The following TSPOAP1 variants were observed in gnomAD, a reference collection of about 807,000 sequenced individuals.
TSPOAP1 encodes the protein TSPO associated protein 1, also known as peripheral-type benzodiazepine receptor-associated protein 1.
In TSPOAP1, 87 loss-of-function variants were observed where a neutral mutation model predicts 197.0. That is an observed-to-expected ratio of 0.44 (90% CI 0.37 to 0.53). TSPOAP1 has a LOEUF of 0.53. Among genes scored for constraint, TSPOAP1 ranks in the 20% least tolerant of loss-of-function variants. The pLI, the probability that TSPOAP1 is intolerant of heterozygous loss-of-function variation, is 0.00. For synonymous variants in TSPOAP1, 913 were observed against 998.9 expected (o/e 0.91, Z 1.62); for missense variants, 2,174 against 2,411.3 (o/e 0.90, Z 2.06).
At position 58,305,921 on chromosome 17, in the gene TSPOAP1, G is replaced by A. The variant is rs1970875191; in HGVS notation, c.5225-56C>T. 5.0e-6 allele frequency: 8 copies of A among 1,588,020 alleles called. 1 individual carries two copies. The Admixed American group carries it at 8.4e-5, about 17-fold the overall frequency. On this transcript the variant is annotated intron_variant, in intron 26 of 31. Transcript: ENST00000343736. ...CCCACCCTGCCCACCCAGGCTGCAGGTGCTGCAGCGCAGGCCAGACACTCG... is the reference window on the plus strand; with the variant it reads ...CCCACCCTGCCCACCCAGGCTGCAGATGCTGCAGCGCAGGCCAGACACTCG...
At chr17:58,306,435 A>G in intron 25 of TSPOAP1, 22 bp from the exon 26 acceptor site, 7 of 1,548,834 alleles carry the variant, frequency 4.5e-6, no homozygotes, top group Non-Finnish European at 6.1e-6. Flanking sequence ...AAGCAGAGAG[A>G]AAGCGAGGCA....
In TSPOAP1 at chr17:58,324,497, G is replaced by A. The variant is rs1388919274; in HGVS notation, c.942+314C>T. On this transcript the variant is annotated intron_variant, in intron 5 of 31. Transcript: ENST00000343736. The surrounding 1 kb of genome is among the most constrained non-coding windows in gnomAD (Gnocchi z 5.8). ...GGCGCGGGCTGGGCCCCGGGCGGCT[G>A]CCAGGACAACCAGGGATTTGCGGCC... Among the ~76,000 whole-genome samples, 1 of 151,882 alleles carries A rather than the reference G, an allele frequency of 6.6e-6. No individual in the cohort carries two copies. Among genetic ancestry groups the A allele is most frequent in the Admixed American group, 6.6e-5 (1 of 15,262 alleles).
rs771179046 is a variant in TSPOAP1 at position 58,308,956 on chromosome 17, G to A, written c.4316C>T (p.Ala1439Val). Residue 1439 changes from alanine (A) to valine (V), a missense_variant, in exon 22 of 32, where the codon GCC becomes GTC. Ala to Val is a moderately conservative substitution (Grantham distance 64). This residue lies in a region of TSPOAP1 where 1,933 missense variants were observed against 2,139.0 expected (regional missense o/e 0.90). Transcript: ENST00000343736. ...SRLLSNNGPQ[A>V]SGRLGPTRER... ...CCGTGTGGGGCCCAGTCGTCCAGAG[G>A]CCTGGGGCCCATTGTTGCTGAGAAG... is the stretch of plus-strand genomic sequence containing the variant. 4 of 1,608,080 alleles carry A rather than the reference G, an allele frequency of 2.5e-6. No individual in the cohort carries two copies. The highest frequency in any genetic ancestry group is 1.3e-5 in the African/African-American group (1 of 74,638).
At position 58,310,758 on chromosome 17, in the gene TSPOAP1, C is replaced by T. The variant is rs546544931; in HGVS notation, c.3460-7G>A. 5 of 1,609,790 alleles carry T rather than the reference C, an allele frequency of 3.1e-6. No homozygotes were observed. The highest frequency in any genetic ancestry group is 4.2e-6 in the Non-Finnish European group (5 of 1,177,642). On this transcript the variant is annotated splice_region_variant and splice_polypyrimidine_tract_variant and intron_variant, in intron 19 of 31. Coordinates refer to ENST00000343736, the MANE Select transcript of TSPOAP1 (RefSeq NM_004758.4). ...CTGCTGCCCCAGCCTCCTCCTGGAA[C>T]AGAGAGCACTGAGGAAGGACCCAAG...
rs571682090 is a variant in TSPOAP1, at chr17:58,324,836, G to A, written c.917C>T (p.Ala306Val). 2 of 1,478,478 alleles carry A rather than the reference G, an allele frequency of 1.4e-6. No homozygotes were observed. Among genetic ancestry groups the A allele is most frequent in the Non-Finnish European group, 8.9e-7 (1 of 1,117,996 alleles). The allele number at this position is 1,478,478 out of a possible 1,614,324, so 91.6% of individuals were successfully genotyped here. The change falls in exon 5 of 32, where the codon GCG (alanine) becomes GTG (valine). Residue 306 changes from alanine to valine, a missense_variant. Ala to Val is a moderately conservative substitution (Grantham distance 64). Transcript: ENST00000343736. This position sits in a 1 kb window ranked among gnomAD's most constrained non-coding sequence, Gnocchi z 5.8. Reference protein sequence around the residue: ...PGPALQARAGAPAPGAPGEAT... With the variant: ...PGPALQARAGVPAPGAPGEAT... ...CTCTCCCGGGGCCCCGGGAGCAGGCGCCCCTGCTCTGGCCTGGAGAGCAGG... is the reference window on the plus strand; with the variant it reads ...CTCTCCCGGGGCCCCGGGAGCAGGCACCCCTGCTCTGGCCTGGAGAGCAGG...
Position 58,316,421 on chromosome 17 carries a change from C to G in TSPOAP1, c.1988+4G>C. 6.2e-7 allele frequency: 1 copy of G among 1,607,440 alleles called. No homozygotes were observed. Among genetic ancestry groups the G allele is most frequent in the Non-Finnish European group, 8.5e-7 (1 of 1,175,816 alleles). On this transcript the variant is annotated splice_donor_region_variant and intron_variant, in intron 15 of 31. Coordinates refer to ENST00000343736, the MANE Select transcript of TSPOAP1 (RefSeq NM_004758.4). ...CTAGGGGGCAGTGAGGGTGAGGGACCCACCTATAACGTGCTAGGAAGACCT... is the reference window on the plus strand; with the variant it reads ...CTAGGGGGCAGTGAGGGTGAGGGACGCACCTATAACGTGCTAGGAAGACCT...
chr17:58,320,116 G>A lies in TSPOAP1; in HGVS notation c.1487C>T (p.Ser496Phe), dbSNP rs1036001481. Residue 496 changes from serine to phenylalanine, a missense_variant, in exon 12 of 32, where the codon TCC becomes TTC. Around this residue, in one of 5 missense-constraint regions of TSPOAP1, gnomAD observed 1,933 missense variants for 2,139.0 expected, o/e 0.90. Transcript: ENST00000343736. ...TGGAGAACGAGGCGCTACCTGCATG[G>A]AATCCAAGGTAGACTGTTGCAGGAA... ...AVQLLESTLD[S>F]MQARVRELEE... 1.2e-5 allele frequency: 20 copies of A among 1,614,176 alleles called. No homozygotes were observed. Among genetic ancestry groups the A allele is most frequent in the South Asian group, 5.5e-5 (5 of 91,084 alleles).
Position 58,322,261 on chromosome 17 carries a change from A to T in TSPOAP1, c.1422+47T>A, listed in dbSNP as rs1368343492. On this transcript the variant is annotated intron_variant, in intron 10 of 31. Transcript: ENST00000343736. The surrounding 1 kb of genome is among the most constrained non-coding windows in gnomAD (Gnocchi z 5.0). ...AATGCTTGTGGAATGAGTGAGTGGC[A>T]AAGCTGGTGTCCAGCAGCCTGCCAG... 3.2e-6 allele frequency: 5 copies of T among 1,560,996 alleles called. No homozygotes were observed. In the African/African-American group the frequency reaches 6.7e-5, roughly 21 times the overall value.
Position 58,324,372 on chromosome 17 carries a change from G to C in TSPOAP1, c.942+439C>G, listed in dbSNP as rs763949674. ...AGGGTTGCCTGTACCTGGAGCCGGG[G>C]CGGACGCACCGCCGCCCCCGGGTAG... On this transcript the variant is annotated intron_variant, in intron 5 of 31. Coordinates refer to ENST00000343736, the MANE Select transcript of TSPOAP1 (RefSeq NM_004758.4). This position sits in a 1 kb window ranked among gnomAD's most constrained non-coding sequence, Gnocchi z 5.8. Among the ~76,000 whole-genome samples, 1 of 152,102 alleles carries C rather than the reference G, an allele frequency of 6.6e-6. No homozygotes were observed. The highest frequency in any genetic ancestry group is 1.5e-5 in the Non-Finnish European group (1 of 67,972).
intron 16 of TSPOAP1, among the ~76,000 whole-genome samples, chr17:58,314,652 G>C (rs866425845): frequency 2.2e-4 from 34 of 152,372 alleles, no homozygotes; most frequent in Middle Eastern, 3.4e-3. Flanking sequence ...CTCCAGAAGA[G>C]GCCAGTGAGA....
At position 58,325,669 on chromosome 17, in the gene TSPOAP1, A is replaced by G; in HGVS notation, c.615T>C (p.Cys205=). 1 of 1,612,888 alleles carries G rather than the reference A, an allele frequency of 6.2e-7. No homozygotes were observed. Among genetic ancestry groups the G allele is most frequent in the East Asian group, 2.2e-5 (1 of 44,870 alleles). ...CTCGCTGGCGGGCTAGGGCCTTCCG[A>G]CACAACTCCAAGCTGGTCCCCGGCC... ...LPRPGTSLEL[C]RKALARQRAR... The change falls in exon 4 of 32, where the codon TGT becomes TGC. Residue 205 remains cysteine (C), a synonymous_variant. Transcript: ENST00000343736.
rs1971711961 is a variant in TSPOAP1 at position 58,328,149 on chromosome 17, G to C, written c.-229C>G. 1.7e-6 allele frequency: 1 copy of C among 574,748 alleles called. No homozygotes were observed. The highest frequency in any genetic ancestry group is 1.9e-5 in the African/African-American group (1 of 53,510). 35.6% of individuals were successfully genotyped at this position (574,748 alleles called of 1,614,324 possible). Reference sequence around the variant, plus strand: ...ATGTGAGCTATGTTTGCTGGTAGCTGTGTGTGTGCGCGAGTATGTGGAGGA... The same window carrying C: ...ATGTGAGCTATGTTTGCTGGTAGCTCTGTGTGTGCGCGAGTATGTGGAGGA... On this transcript the variant is annotated 5_prime_UTR_variant, in exon 1 of 32. Coordinates refer to ENST00000343736, the MANE Select transcript of TSPOAP1 (RefSeq NM_004758.4). The surrounding 1 kb of genome is among the most constrained non-coding windows in gnomAD (Gnocchi z 4.3).
chr17:58,323,016 C>G lies in TSPOAP1; in HGVS notation c.1128G>C (p.Gln376His). ...CCTCCACCAGGCGGGCATTCTCATTCTGCGCTTGTCTCAGCTGCAGTTCCT... is the reference window on the plus strand; with the variant it reads ...CCTCCACCAGGCGGGCATTCTCATTGTGCGCTTGTCTCAGCTGCAGTTCCT... ...EELELQLRQA[Q>H]NENARLVEEN... Residue 376 changes from glutamine (Q) to histidine (H), a missense_variant, in exon 8 of 32, where the codon CAG (glutamine) becomes CAC (histidine). Gln to His is a conservative substitution (Grantham distance 24, BLOSUM62 0). Coordinates refer to ENST00000343736, the MANE Select transcript of TSPOAP1 (RefSeq NM_004758.4). 6.2e-7 allele frequency: 1 copy of G among 1,610,428 alleles called. No individual in the cohort carries two copies. The highest frequency in any genetic ancestry group is 8.5e-7 in the Non-Finnish European group (1 of 1,178,494).
In TSPOAP1 at chr17:58,325,537, G is replaced by A. The variant is rs774323558; in HGVS notation, c.747C>T (p.Gly249=). 1 of 1,612,028 alleles carries A rather than the reference G, an allele frequency of 6.2e-7. No homozygotes were observed. Among genetic ancestry groups the A allele is most frequent in the African/African-American group, 1.3e-5 (1 of 74,906 alleles). ...RELQARLTLV[G]KEGPQWLHVR... Reference sequence around the variant, plus strand: ...GGTGACCAGGGCCTCCTCGCACCTTGCCCACCAGAGTGAGCCTGGCCTGCA... The same window carrying A: ...GGTGACCAGGGCCTCCTCGCACCTTACCCACCAGAGTGAGCCTGGCCTGCA... The change falls in exon 4 of 32, where the codon GGC becomes GGT. Residue 249 remains glycine (G), a synonymous_variant. Coordinates refer to ENST00000343736, the MANE Select transcript of TSPOAP1 (RefSeq NM_004758.4).
chr17:58,322,670 A>T lies in TSPOAP1; in HGVS notation c.1301T>A (p.Leu434Gln). The change falls in exon 9 of 32, where the codon CTG becomes CAG. Residue 434 changes from leucine (L) to glutamine (Q), a missense_variant. Physicochemically the swap from Leu to Gln is moderately radical, Grantham distance 113. Coordinates refer to ENST00000343736, the MANE Select transcript of TSPOAP1 (RefSeq NM_004758.4). This position sits in a 1 kb window ranked among gnomAD's most constrained non-coding sequence, Gnocchi z 5.0. ...TCTCCTCACCTTCAGCACTTGCTCC[A>T]GGCTCTCCAGCTTGCTCTGCAGGCC... ...SQGLQSKLES[L>Q]EQVLKHMREV... is the part of the protein sequence containing the mutation. 1.9e-6 allele frequency: 3 copies of T among 1,610,742 alleles called. No homozygotes were observed. Among genetic ancestry groups the T allele is most frequent in the Non-Finnish European group, 2.5e-6 (3 of 1,179,896 alleles).
Position 58,319,203 on chromosome 17 carries a change from G to C in TSPOAP1, c.1586C>G (p.Pro529Arg), listed in dbSNP as rs375394311. The C allele has an allele frequency of 1.3e-6, 2 of 1,590,458 alleles. No individual in the cohort carries two copies. The highest frequency in any genetic ancestry group is 1.3e-5 in the African/African-American group (1 of 74,364). ...AQELQAFRLH[P>R]GPLDLLTSAL... Reference sequence around the variant, plus strand: ...AGATGTGAGCAGATCCAAGGGGCCCGGGTGCAGGCGGAAAGCCTGGAGTTC... The same window carrying C: ...AGATGTGAGCAGATCCAAGGGGCCCCGGTGCAGGCGGAAAGCCTGGAGTTC... The change falls in exon 13 of 32, where the codon CCG (proline) becomes CGG (arginine). Residue 529 changes from proline (P) to arginine (R), a missense_variant. By Grantham distance (103) the Pro-to-Arg change is moderately radical. Around this residue, in one of 5 missense-constraint regions of TSPOAP1, gnomAD observed 1,933 missense variants for 2,139.0 expected, o/e 0.90. Coordinates refer to ENST00000343736, the MANE Select transcript of TSPOAP1 (RefSeq NM_004758.4).
chr17:58,316,688 C>G, intron 14 of TSPOAP1, 148 bp from the exon 15 acceptor site: 2 of 619,780 alleles, frequency 3.2e-6, no homozygotes, highest in South Asian at 4.0e-5. Flanking sequence ...GGCAAGGACC[C>G]CCTGATGCTC....
At position 58,309,768 on chromosome 17, in the gene TSPOAP1, C is replaced by T. The variant is rs944908304; in HGVS notation, c.3891+199G>A. Among the ~76,000 whole-genome samples the T allele has an allele frequency of 4.6e-5, 7 of 152,192 alleles. No homozygotes were observed. The highest frequency in any genetic ancestry group is 8.8e-5 in the Non-Finnish European group (6 of 68,028). On this transcript the variant is annotated intron_variant, in intron 21 of 31. Transcript: ENST00000343736. The surrounding 1 kb of genome is among the most constrained non-coding windows in gnomAD (Gnocchi z 5.0). ...GAGGGAGAGAAGGTACAGAAATGAA[C>T]TCCTCCCCTTCCCCTTTCTTTCCAG... is the stretch of plus-strand genomic sequence containing the variant.
chr17:58,308,630 G>A lies in TSPOAP1; in HGVS notation c.4642C>T (p.Pro1548Ser). The change falls in exon 22 of 32, where the codon CCC becomes TCC. Residue 1548 changes from proline to serine, a missense_variant. Pro to Ser is a moderately conservative substitution (Grantham distance 74, BLOSUM62 -1). Around this residue, in one of 5 missense-constraint regions of TSPOAP1, gnomAD observed 1,933 missense variants for 2,139.0 expected, o/e 0.90. Transcript: ENST00000343736. ...GPPKANSGPKPYPRLPAWEKG... is the reference protein window; with the variant it reads ...GPPKANSGPKSYPRLPAWEKG... ...TCCCAGGCTGGGAGGCGTGGGTAGG[G>A]CTTGGGGCCTGAATTGGCCTTCGGA... The A allele has an allele frequency of 6.2e-7, 1 of 1,607,924 alleles. No homozygotes were observed. Among genetic ancestry groups the A allele is most frequent in the Non-Finnish European group, 8.5e-7 (1 of 1,176,102 alleles).
Sources: gnomAD v4.1 joint callset for allele counts (sites outside exome capture counted in the v4.1 genomes callset) on GRCh38, gnomAD v4.1.1 for gene constraint, gnomAD v4.1.1 regional missense constraint, Gnocchi (gnomAD v3.1) non-coding constraint, MANE v1.5 for transcripts, NCBI Gene and HGNC (gene_info 2026-07-23, HGNC 2026-07-21) for gene names.